PINX1: variants seen among roughly 807,000 people sequenced by gnomAD.
PINX1 encodes the protein PIN2/TERF1-interacting telomerase inhibitor 1.
A neutral mutation model predicts 25.4 loss-of-function variants in PINX1; 34 were observed. The ratio of observed to expected loss-of-function variants is 1.34; its 90% CI spans 1.02 to 1.78. PINX1 has a LOEUF of 1.78. Ranked by LOEUF, PINX1 falls within the 40% of genes most tolerant of loss-of-function variation. The probability of loss-of-function intolerance (pLI) is 0.00; values close to 1 mark genes in which losing one functional copy is unlikely to be tolerated. For missense variants in PINX1, 592 were observed against 404.9 expected (o/e 1.46, Z -3.97); for synonymous variants, 197 against 147.7 (o/e 1.33, Z -2.42).
At position 10,834,656 on chromosome 8, in the gene PINX1, T is replaced by C. The variant is rs768397427; in HGVS notation, c.129+10A>G. On this transcript the variant is annotated intron_variant, in intron 2 of 6. Coordinates refer to ENST00000314787, the MANE Select transcript of PINX1 (RefSeq NM_017884.6). ...TAGCTCAGATTTTTTTCCGCTTTTC[T>C]CCAAAATACCTTTCCTTTAGACCAC... 9 of 1,609,844 alleles carry C rather than the reference T, an allele frequency of 5.6e-6. No individual in the cohort carries two copies. The South Asian group carries it at 1.0e-4, about 18-fold the overall frequency.
At chr8:10,788,454 G>A (rs1801820832) in intron 6 of PINX1, among the ~76,000 whole-genome samples, 1 of 152,018 alleles carries the variant, frequency 6.6e-6, no homozygotes. Context: ...AATCCCAGCT[G>A]CTCAGGAGGC....
In PINX1 at chr8:10,765,437, C is replaced by T. The variant is rs756018316; in HGVS notation, c.951G>A (p.Thr317=). ...EIAEDATLEE[T]LVKKKKKKDS... is the part of the protein sequence containing the mutation. Reference sequence around the variant, plus strand: ...CTTTCTTCTTCTTCTTTTTCACTAGCGTTTCTTCTAGTGTAGCGTCCTCTG... The same window carrying T: ...CTTTCTTCTTCTTCTTTTTCACTAGTGTTTCTTCTAGTGTAGCGTCCTCTG... The change falls in exon 7 of 7, where the codon ACG becomes ACA. Residue 317 remains threonine, a synonymous_variant. Coordinates refer to ENST00000314787, the MANE Select transcript of PINX1 (RefSeq NM_017884.6). 1.5e-5 allele frequency: 24 copies of T among 1,606,774 alleles called. No homozygotes were observed. The highest frequency in any genetic ancestry group is 4.5e-5 in the East Asian group (2 of 44,858).
chr8:10,805,402 G>C (rs1802410165), intron 6 of PINX1, among the ~76,000 whole-genome samples: 1 of 151,230 alleles, frequency 6.6e-6, no homozygotes, highest in Non-Finnish European at 1.5e-5. Flanking sequence ...TAGACAACCA[G>C]AGTACTCGAA....
At chr8:10,782,493 T>A (rs1460620043) in intron 6 of PINX1, among the ~76,000 whole-genome samples, 1 of 151,998 alleles carries the variant, frequency 6.6e-6, no homozygotes, top group Admixed American at 6.5e-5. Flanking sequence ...CCTAGCACTT[T>A]GGGAGGCCAA....
At chr8:10,837,957 T>C (rs113638023) in intron 1 of PINX1, among the ~76,000 whole-genome samples, 5,686 of 152,330 alleles carry the variant, frequency 0.037, 122 homozygotes, top group Middle Eastern at 0.11. Context: ...CGTAGGAGTA[T>C]ACTCTTATAA....
intron 6 of PINX1, among the ~76,000 whole-genome samples, chr8:10,779,998 T>A (rs573066449): frequency 6.6e-6 from 1 of 152,180 alleles, no homozygotes; most frequent in African/African-American, 2.4e-5. Flanking sequence ...TAAATACCAC[T>A]TAGGGTCATC....
rs1357024358 is a variant in PINX1 at position 10,823,736 on chromosome 8, G to C, written c.394+2416C>G. ...CCAGCACGCTGGGAGGCTAAGGCAGGACGATCACTTGAGCCCAGAAGGTCA... is the reference window on the plus strand; with the variant it reads ...CCAGCACGCTGGGAGGCTAAGGCAGCACGATCACTTGAGCCCAGAAGGTCA... On this transcript the variant is annotated intron_variant, in intron 5 of 6. Transcript: ENST00000314787. Among the ~76,000 whole-genome samples, 3 of 152,282 alleles carry C rather than the reference G, an allele frequency of 2.0e-5. No individual in the cohort carries two copies. The East Asian group carries it at 5.8e-4, about 29-fold the overall frequency.
rs573133332 is a variant in PINX1 at position 10,779,932 on chromosome 8, C to T, written c.472-14016G>A. On this transcript the variant is annotated intron_variant, in intron 6 of 6. Coordinates refer to ENST00000314787, the MANE Select transcript of PINX1 (RefSeq NM_017884.6). ...GAAAGGGACGACTCCAAGTGTGGGG[C>T]AGAAAATGTACACAGTGGACCTGGA... 6.6e-5 allele frequency among the ~76,000 whole-genome samples: 10 copies of T among 152,214 alleles called. No homozygotes were observed. The South Asian group carries it at 1.7e-3, about 25-fold the overall frequency.
At chr8:10,810,064 G>A (rs1802579523) in intron 6 of PINX1, among the ~76,000 whole-genome samples, 1 of 152,152 alleles carries the variant, frequency 6.6e-6, no homozygotes, top group South Asian at 2.1e-4. Context: ...AAACAACCAG[G>A]TCTCGTGTGA....
chr8:10,824,900 C>G (rs1008962896), intron 5 of PINX1, among the ~76,000 whole-genome samples: 1 of 152,214 alleles, frequency 6.6e-6, no homozygotes, highest in Non-Finnish European at 1.5e-5. Flanking sequence ...TGTACCCTCT[C>G]TTCAAAAGGA....
intron 6 of PINX1, among the ~76,000 whole-genome samples, chr8:10,807,334 C>CG (rs1476229836): frequency 9.9e-6 from 1 of 101,308 alleles, no homozygotes; most frequent in Admixed American, 1.2e-4. Flanking sequence ...CCCACCCCCC[C>CG]CCCCACCAAA....
intron 4 of PINX1, among the ~76,000 whole-genome samples, chr8:10,830,773 C>T (rs1488561175): frequency 2.0e-5 from 3 of 152,188 alleles, no homozygotes; most frequent in African/African-American, 4.8e-5. Flanking sequence ...GAGACATCAT[C>T]TCACACCCAT....
rs191071947 is a variant in PINX1, at chr8:10,830,840, T to C, written c.301+825A>G. 4.9e-3 allele frequency among the ~76,000 whole-genome samples: 744 copies of C among 152,312 alleles called. 3 individuals are homozygous for C. The highest frequency in any genetic ancestry group is 0.01 in the Middle Eastern group (3 of 294). On this transcript the variant is annotated intron_variant, in intron 4 of 6. Coordinates refer to ENST00000314787, the MANE Select transcript of PINX1 (RefSeq NM_017884.6). ...AATTACTGGTTAGGATATGGAGAAA[T>C]TGGAACTCTTATGCACTGTTGATGT...
chr8:10,811,100 T>A (rs574821999), intron 6 of PINX1, among the ~76,000 whole-genome samples: 1 of 152,378 alleles, frequency 6.6e-6, no homozygotes, highest in East Asian at 1.9e-4. Context: ...TACCATGTGC[T>A]GGGCACTTCG....
intron 6 of PINX1, among the ~76,000 whole-genome samples, chr8:10,818,714 G>C (rs539350275): frequency 1.3e-5 from 2 of 152,148 alleles, no homozygotes; most frequent in African/African-American, 4.8e-5. Flanking sequence ...TGGGAGGGAC[G>C]TGGAGTTGAT....
chr8:10,808,062 A>T (rs1222773608), intron 6 of PINX1, among the ~76,000 whole-genome samples: 1 of 152,232 alleles, frequency 6.6e-6, no homozygotes, highest in African/African-American at 2.4e-5. Flanking sequence ...ATCAGAAAAC[A>T]ACCAAAAATT....
At chr8:10,804,269 C>A (rs1055494711) in intron 6 of PINX1, among the ~76,000 whole-genome samples, 2 of 152,194 alleles carry the variant, frequency 1.3e-5, no homozygotes, top group Non-Finnish European at 2.9e-5. Flanking sequence ...ACTCTCATCA[C>A]CAGAGCCTAG....
At chr8:10,812,446 C>G (rs1797555354) in intron 6 of PINX1, among the ~76,000 whole-genome samples, 1 of 152,174 alleles carries the variant, frequency 6.6e-6, no homozygotes, top group Non-Finnish European at 1.5e-5. Context: ...GGACTCTTGC[C>G]TGGTACCAGA....
chr8:10,837,192 G>A (rs1265630647), intron 1 of PINX1, among the ~76,000 whole-genome samples: 2 of 152,166 alleles, frequency 1.3e-5, no homozygotes, highest in Non-Finnish European at 2.9e-5. Context: ...AGGAATTTTG[G>A]TGCCTCCCAG....
Sources: gnomAD v4.1 joint callset for allele counts (sites outside exome capture counted in the v4.1 genomes callset) on GRCh38, gnomAD v4.1.1 for gene constraint, MANE v1.5 for transcripts, NCBI Gene and HGNC (gene_info 2026-07-23, HGNC 2026-07-21) for gene names.